DLGAP2: variants seen among roughly 807,000 people sequenced by gnomAD.
DLGAP2 encodes DLG associated protein 2.
In DLGAP2, 26 loss-of-function variants were observed where a neutral mutation model predicts 100.3. The ratio of observed to expected loss-of-function variants is 0.26; its 90% CI spans 0.19 to 0.36. The LOEUF is 0.36. Among genes scored for constraint, DLGAP2 ranks in the 10% least tolerant of loss-of-function variants. DLGAP2 has a pLI of 1.00. For synonymous variants in DLGAP2, 886 were observed against 630.1 expected (o/e 1.41, Z -6.08); for missense variants, 1,858 against 1,453.2 (o/e 1.28, Z -4.53).
intron 7 of DLGAP2, among the ~76,000 whole-genome samples, chr8:1,630,223 G>C (rs1369727723): frequency 6.6e-6 from 1 of 152,160 alleles, no homozygotes; most frequent in African/African-American, 2.4e-5. Flanking sequence ...AACGTAGTAG[G>C]TGAGAAGACT....
intron 5 of DLGAP2, among the ~76,000 whole-genome samples, chr8:1,563,219 G>A (rs1400652916): frequency 5.9e-5 from 3 of 50,864 alleles, no homozygotes; most frequent in African/African-American, 2.2e-4. Context: ...CTGGGGGACT[G>A]GTGTTGGAGT....
intron 1 of DLGAP2, among the ~76,000 whole-genome samples, chr8:876,036 T>C (rs560061994): frequency 6.6e-6 from 1 of 152,354 alleles, no homozygotes; most frequent in South Asian, 2.1e-4. Flanking sequence ...TAGTATAACA[T>C]AGCTTTGCTT....
chr8:838,412 T>A (rs1013886525), intron 1 of DLGAP2, among the ~76,000 whole-genome samples: 5 of 151,816 alleles, frequency 3.3e-5, no homozygotes, highest in African/African-American at 9.7e-5. Context: ...ATATTTTATT[T>A]TATTTTAATT....
chr8:1,268,303 C>A (rs1233568787), intron 3 of DLGAP2, among the ~76,000 whole-genome samples: 1 of 152,074 alleles, frequency 6.6e-6, no homozygotes, highest in Non-Finnish European at 1.5e-5. Context: ...TTTCTTGTTG[C>A]TAAACATGCC....
At chr8:1,223,555 C>T (rs974824678) in intron 2 of DLGAP2, among the ~76,000 whole-genome samples, 1 of 152,136 alleles carries the variant, frequency 6.6e-6, no homozygotes, top group African/African-American at 2.4e-5. Flanking sequence ...ATGGTTTGAC[C>T]AGGGTTGTTG....
At chr8:1,563,712 C>T (rs1802273891) in intron 5 of DLGAP2, among the ~76,000 whole-genome samples, 1 of 152,030 alleles carries the variant, frequency 6.6e-6, no homozygotes. Flanking sequence ...TCCTGGGCTG[C>T]AATGTGGAAG....
chr8:1,686,945 A>G (rs775371961), intron 12 of DLGAP2, among the ~76,000 whole-genome samples: 1 of 152,210 alleles, frequency 6.6e-6, no homozygotes, highest in Non-Finnish European at 1.5e-5. Flanking sequence ...TGATCTTAGC[A>G]CACTGTAGAC....
chr8:885,019 GT>G (rs1269701038), intron 1 of DLGAP2, among the ~76,000 whole-genome samples: 1 of 152,230 alleles, frequency 6.6e-6, no homozygotes, highest in African/African-American at 2.4e-5. Flanking sequence ...GTATCATGCT[GT>G]TTTGGTTACT....
intron 2 of DLGAP2, among the ~76,000 whole-genome samples, chr8:933,481 C>G (rs568981452): frequency 1.4e-3 from 197 of 138,828 alleles, no homozygotes; most frequent in Non-Finnish European, 2.4e-3. Context: ...TGTGGAGACA[C>G]CTGGCTGTGG....
At chr8:1,058,130 C>T (rs1802938102) in intron 2 of DLGAP2, among the ~76,000 whole-genome samples, 1 of 152,158 alleles carries the variant, frequency 6.6e-6, no homozygotes, top group African/African-American at 2.4e-5. Context: ...TGTATTCCCA[C>T]AGGGGGCTTG....
chr8:996,999 A>G (rs1800800926), intron 2 of DLGAP2, among the ~76,000 whole-genome samples: 2 of 152,352 alleles, frequency 1.3e-5, no homozygotes, highest in African/African-American at 2.4e-5. Flanking sequence ...CATGTGGACA[A>G]CAATGTATGA....
At chr8:1,477,663 A>G (rs1021955636) in intron 3 of DLGAP2, among the ~76,000 whole-genome samples, 11 of 152,186 alleles carry the variant, frequency 7.2e-5, no homozygotes, top group African/African-American at 2.7e-4. Flanking sequence ...AGGAATGTGC[A>G]TCCAAAGTAG....
chr8:1,588,738 TA>T (rs11358700), intron 6 of DLGAP2, among the ~76,000 whole-genome samples: 11,346 of 91,294 alleles, frequency 0.12, 492 homozygotes, highest in African/African-American at 0.15. Context: ...CTGTCTTTAC[TA>T]AAAAAAAAAA....
rs62483896 is a variant in DLGAP2 at position 1,282,196 on chromosome 8, C to G, written c.106+23313C>G. Among the ~76,000 whole-genome samples, 456 of 140,774 alleles carry G rather than the reference C, an allele frequency of 3.2e-3. 3 individuals carry two copies. Among genetic ancestry groups the G allele is most frequent in the Non-Finnish European group, 3.7e-3 (242 of 65,140 alleles). The allele number at this position is 140,774 out of a possible 152,430, so 92.4% of individuals were successfully genotyped here. A position where few individuals can be genotyped will look rare whatever the true frequency, so the allele number is the denominator to read the frequency against. On this transcript the variant is annotated intron_variant, in intron 3 of 14. Transcript: ENST00000637795. ...ACCTGAACCCAGCACGTGAACCATC[C>G]GGACATGGTGTGACCTGAACCCAGC...
chr8:745,312 A>G (rs1486070538), intron 1 of DLGAP2, among the ~76,000 whole-genome samples: 1 of 152,240 alleles, frequency 6.6e-6, no homozygotes, highest in East Asian at 1.9e-4. Flanking sequence ...TGAGAATTGT[A>G]GTTTCAACCT....
chr8:1,315,437 G>C (rs1219868244), intron 3 of DLGAP2, among the ~76,000 whole-genome samples: 1 of 143,234 alleles, frequency 7.0e-6, no homozygotes, highest in Non-Finnish European at 1.5e-5. Context: ...GCGTGTGCGA[G>C]TGCAGCGTCT....
chr8:1,334,275 T>A (rs1433013951), intron 3 of DLGAP2, among the ~76,000 whole-genome samples: 1 of 152,194 alleles, frequency 6.6e-6, no homozygotes, highest in Non-Finnish European at 1.5e-5. Flanking sequence ...AGTCAGCATT[T>A]GCCACCCCAT....
At chr8:864,155 C>T (rs1797445890) in intron 1 of DLGAP2, among the ~76,000 whole-genome samples, 1 of 152,092 alleles carries the variant, frequency 6.6e-6, no homozygotes, top group Non-Finnish European at 1.5e-5. Context: ...CTCACAGGAG[C>T]AGAGCGTAGA....
At chr8:1,441,079 T>A (rs375891363) in intron 3 of DLGAP2, among the ~76,000 whole-genome samples, 1 of 152,320 alleles carries the variant, frequency 6.6e-6, no homozygotes, top group African/African-American at 2.4e-5. Flanking sequence ...GGGAAAAGTC[T>A]ATGTTCGAAA....
Sources: allele counts gnomAD v4.1 joint callset (sites outside exome capture counted in the v4.1 genomes callset), GRCh38; gene constraint gnomAD v4.1.1; transcripts MANE v1.5; gene names NCBI Gene and HGNC (gene_info 2026-07-23, HGNC 2026-07-21).